The following INTS7 variants were observed in gnomAD, a reference collection of about 807,000 sequenced individuals.
The protein encoded by INTS7 is chromosome 1 open reading frame 73.
A neutral mutation model predicts 109.2 loss-of-function variants in INTS7; 46 were observed. The observed-to-expected ratio is 0.42, with a 90% CI of 0.33 to 0.54. INTS7 has a LOEUF of 0.54. Ranked by LOEUF, INTS7 falls within the 20% of genes least tolerant of loss-of-function variation. INTS7 has a pLI of 0.07. For missense variants in INTS7, 929 were observed against 1,132.4 expected (o/e 0.82, Z 2.58); for synonymous variants, 412 against 402.9 (o/e 1.02, Z -0.27).
chr1:211,997,226 A>G (rs988897402), intron 7 of INTS7, among the ~76,000 whole-genome samples: 28 of 151,946 alleles, frequency 1.8e-4, no homozygotes, highest in African/African-American at 6.5e-4. Context: ...ACCACTGATG[A>G]GAAACTGAAG....
intron 3 of INTS7, among the ~76,000 whole-genome samples, chr1:212,017,624 G>T (rs1338382939): frequency 6.6e-6 from 1 of 152,166 alleles, no homozygotes; most frequent in African/African-American, 2.4e-5. Flanking sequence ...AAAATCTATT[G>T]TTTGTGGTAT....
chr1:211,974,807 TAGTC>T (rs1269881467), intron 13 of INTS7, among the ~76,000 whole-genome samples: 2 of 152,172 alleles, frequency 1.3e-5, no homozygotes, highest in Non-Finnish European at 2.9e-5. Flanking sequence ...TTTAGTTACT[TAGTC>T]AGTAGCTGCC....
intron 14 of INTS7, 102 bp from the exon 15 acceptor site, chr1:211,968,083 C>A (rs77209934): frequency 0.026 from 14,837 of 579,860 alleles, 467 homozygotes; most frequent in East Asian, 0.1. Flanking sequence ...AATAACAATT[C>A]AAAAAAAATA....
Position 211,975,302 on chromosome 1 carries a change from A to T in INTS7, c.1679T>A (p.Phe560Tyr). The T allele has an allele frequency of 2.5e-6, 4 of 1,614,144 alleles. No individual in the cohort carries two copies. Among genetic ancestry groups the T allele is most frequent in the Non-Finnish European group, 3.4e-6 (4 of 1,179,968 alleles). Residue 560 changes from phenylalanine (F) to tyrosine (Y), a missense_variant, in exon 13 of 20, where the codon TTC becomes TAC. Physicochemically the swap from Phe to Tyr is conservative, Grantham distance 22 (BLOSUM62 3). This residue lies in a region of INTS7 where 787 missense variants were observed against 901.1 expected (regional missense o/e 0.87). Transcript: ENST00000366994. ...LTQVASEHFY[F>Y]WLNSLKEFSH... ...AAACTCCTTCAAACTATTTAGCCAG[A>T]AGTAGAAATGTTCTGAGGCAACCTG...
chr1:211,976,494 G>T, intron 12 of INTS7, 88 bp downstream of exon 12: 2 of 1,215,890 alleles, frequency 1.6e-6, no homozygotes, highest in South Asian at 1.8e-5. Flanking sequence ...TTTATTTTTA[G>T]TTTTGACTAC....
At chr1:212,001,791 T>G (rs1213049751) in intron 7 of INTS7, among the ~76,000 whole-genome samples, 1 of 152,200 alleles carries the variant, frequency 6.6e-6, no homozygotes, top group Non-Finnish European at 1.5e-5. Flanking sequence ...CTTCTCCCTA[T>G]AAAATACTAT....
At chr1:212,010,778 T>C (rs998585959) in intron 5 of INTS7, among the ~76,000 whole-genome samples, 2 of 152,212 alleles carry the variant, frequency 1.3e-5, no homozygotes, top group African/African-American at 4.8e-5. Flanking sequence ...CTAGGAACAA[T>C]AGGCTATACC....
chr1:211,946,679 G>C lies in INTS7; in HGVS notation c.2343C>G (p.Ile781Met), dbSNP rs1166502741. ...YMHTACLCNA[I>M]IALLKVPLSF... is the part of the protein sequence containing the mutation. ...AAAGGGGAACTTTCAGCAAAGCAAT[G>C]ATGGCATTGCAGAGGCATGCTGTGT... is the stretch of plus-strand genomic sequence containing the variant. The change falls in exon 18 of 20, where the codon ATC (isoleucine) becomes ATG (methionine). Residue 781 changes from isoleucine to methionine, a missense_variant. Ile to Met is a conservative substitution (Grantham distance 10, BLOSUM62 1). Around this residue, in one of 2 missense-constraint regions of INTS7, gnomAD observed 787 missense variants for 901.1 expected, o/e 0.87. Coordinates refer to ENST00000366994, the MANE Select transcript of INTS7 (RefSeq NM_015434.4). The surrounding 1 kb of genome is among the most constrained non-coding windows in gnomAD (Gnocchi z 4.3). 1 of 1,613,192 alleles carries C rather than the reference G, an allele frequency of 6.2e-7. No individual in the cohort carries two copies. The highest frequency in any genetic ancestry group is 1.1e-5 in the South Asian group (1 of 91,034).
chr1:212,012,400 T>C (rs1006012706), intron 4 of INTS7, among the ~76,000 whole-genome samples: 2 of 152,158 alleles, frequency 1.3e-5, no homozygotes, highest in Non-Finnish European at 2.9e-5. Context: ...CTGACGAAGA[T>C]ATGTGATCTC....
At chr1:211,973,263 GA>G (rs1664259374) in intron 13 of INTS7, among the ~76,000 whole-genome samples, 1 of 152,108 alleles carries the variant, frequency 6.6e-6, no homozygotes, top group Non-Finnish European at 1.5e-5. Flanking sequence ...GGACTTTTCT[GA>G]CCCACAGAAA....
At chr1:211,963,222 C>CA (rs1663720863) in intron 16 of INTS7, among the ~76,000 whole-genome samples, 1 of 151,992 alleles carries the variant, frequency 6.6e-6, no homozygotes, top group South Asian at 2.1e-4. Flanking sequence ...TCTATGGACA[C>CA]AAACTAGAAA....
At chr1:211,967,623 C>T (rs1663956342) in intron 15 of INTS7, among the ~76,000 whole-genome samples, 1 of 152,052 alleles carries the variant, frequency 6.6e-6, no homozygotes. Context: ...AGGTAAGCAA[C>T]ACTGGCTTTG....
intron 7 of INTS7, among the ~76,000 whole-genome samples, chr1:212,001,333 G>A (rs1243907407): frequency 6.6e-6 from 1 of 152,044 alleles, no homozygotes; most frequent in East Asian, 1.9e-4. Flanking sequence ...TTACAGGCAT[G>A]AGCCACCACG....
At chr1:211,968,765 G>T in intron 13 of INTS7, 58 bp from the exon 14 acceptor site, 1 of 1,355,902 alleles carries the variant, frequency 7.4e-7, no homozygotes, top group Non-Finnish European at 1.0e-6. Context: ...AGTGAGATGG[G>T]GCAGTACCAA....
chr1:212,031,239 G>A (rs1468032636), intron 1 of INTS7, among the ~76,000 whole-genome samples: 3 of 152,152 alleles, frequency 2.0e-5, no homozygotes, highest in Non-Finnish European at 4.4e-5. Context: ...TTTTCCCAGG[G>A]GGAAGGAGAT....
chr1:212,025,178 C>T (rs1666863360), intron 1 of INTS7, among the ~76,000 whole-genome samples: 1 of 152,174 alleles, frequency 6.6e-6, no homozygotes, highest in Admixed American at 6.5e-5. Context: ...ATTTTAACCA[C>T]ATAAAACGAT....
At chr1:211,955,244 G>T (rs1289856414) in intron 16 of INTS7, among the ~76,000 whole-genome samples, 1 of 152,120 alleles carries the variant, frequency 6.6e-6, no homozygotes, top group Non-Finnish European at 1.5e-5. Context: ...CATTGATTTT[G>T]TATCCTGAGA....
chr1:211,942,072 C>T lies in INTS7; in HGVS notation c.2641G>A (p.Val881Ile). The T allele has an allele frequency of 6.2e-7, 1 of 1,614,144 alleles. No individual in the cohort carries two copies. The highest frequency in any genetic ancestry group is 8.5e-7 in the Non-Finnish European group (1 of 1,179,996). Residue 881 changes from valine to isoleucine, a missense_variant, in exon 20 of 20, where the codon GTT (valine) becomes ATT (isoleucine). Val to Ile is a conservative substitution (Grantham distance 29, BLOSUM62 3). Transcript: ENST00000366994. This position sits in a 1 kb window ranked among gnomAD's most constrained non-coding sequence, Gnocchi z 4.2. ...CTGAAGTAATCATTATGAGGTTCAACCCTTTGCTCCATCTCATTGGTCATG... is the reference window on the plus strand; with the variant it reads ...CTGAAGTAATCATTATGAGGTTCAATCCTTTGCTCCATCTCATTGGTCATG... ...DNMTNEMEQR[V>I]EPHNDYFSTQ...
At chr1:211,952,547 C>A in intron 17 of INTS7, 22 bp downstream of exon 17, 1 of 1,609,066 alleles carries the variant, frequency 6.2e-7, no homozygotes, top group Non-Finnish European at 8.5e-7. Flanking sequence ...AATAAAAGCT[C>A]AATAAAACAA....
Sources: gnomAD v4.1 joint callset for allele counts (sites outside exome capture counted in the v4.1 genomes callset) on GRCh38, gnomAD v4.1.1 for gene constraint, gnomAD v4.1.1 regional missense constraint, Gnocchi (gnomAD v3.1) non-coding constraint, MANE v1.5 for transcripts, NCBI Gene and HGNC (gene_info 2026-07-23, HGNC 2026-07-21) for gene names.